OSBPL9: variants seen among roughly 807,000 people sequenced by gnomAD.
OSBPL9 encodes the protein oxysterol binding protein like 9.
In OSBPL9, 40 loss-of-function variants were observed where a neutral mutation model predicts 106.6. The ratio of observed to expected loss-of-function variants is 0.38; its 90% CI spans 0.29 to 0.49. The LOEUF is 0.49. Ranked by LOEUF, OSBPL9 falls within the 20% of genes least tolerant of loss-of-function variation. The probability of loss-of-function intolerance (pLI) is 0.97; values close to 1 mark genes in which losing one functional copy is unlikely to be tolerated. For missense variants in OSBPL9, 609 were observed against 887.2 expected (o/e 0.69, Z 3.98); for synonymous variants, 269 against 295.4 (o/e 0.91, Z 0.92).
chr1:51,723,842 G>A (rs1662598252), intron 4 of OSBPL9, among the ~76,000 whole-genome samples: 1 of 152,208 alleles, frequency 6.6e-6, no homozygotes, highest in Non-Finnish European at 1.5e-5. Context: ...GTGGATGTAT[G>A]TTGTCATCTC....
In OSBPL9 at chr1:51,783,875, G is replaced by A. The variant is rs41293245; in HGVS notation, c.1514-40G>A. ...GTTATGTGATTTTGGAGAGGTGGCT[G>A]TAGGTATATATAATCTACTAATTGA... On this transcript the variant is annotated intron_variant, in intron 17 of 23. Transcript: ENST00000428468. The A allele has an allele frequency of 2.4e-3, 3,438 of 1,418,124 alleles. 3 individuals carry two copies. Among genetic ancestry groups the A allele is most frequent in the Non-Finnish European group, 3.1e-3 (3,110 of 1,004,368 alleles). The allele number at this position is 1,418,124 out of a possible 1,614,324, so 87.8% of individuals were successfully genotyped here. A position where few individuals can be genotyped will look rare whatever the true frequency, so the allele number is the denominator to read the frequency against.
intron 3 of OSBPL9, chr1:51,709,502 G>C (rs1659357217): frequency 6.6e-6 from 1 of 152,642 alleles, no homozygotes; most frequent in South Asian, 2.1e-4. Context: ...CCAACGTTGG[G>C]AAATTGGGCA....
chr1:51,738,920 A>AC (rs1441387099), intron 4 of OSBPL9, among the ~76,000 whole-genome samples: 8 of 151,984 alleles, frequency 5.3e-5, no homozygotes, highest in Non-Finnish European at 1.2e-4. Context: ...GAAGTAGAAC[A>AC]CCTACCACTG....
At chr1:51,700,010 C>T (rs1656894691) in intron 3 of OSBPL9, among the ~76,000 whole-genome samples, 1 of 152,140 alleles carries the variant, frequency 6.6e-6, no homozygotes, top group Non-Finnish European at 1.5e-5. Context: ...TATTTAACTC[C>T]GTTTTCCAAA....
chr1:51,604,623 G>A (rs1431726102), intron 2 of OSBPL9, among the ~76,000 whole-genome samples: 1 of 152,100 alleles, frequency 6.6e-6, no homozygotes, highest in Admixed American at 6.6e-5. Context: ...TAGCAAACTG[G>A]TTTTGAAGAC....
rs1450207772 is a variant in OSBPL9, at chr1:51,729,889, C to T, written c.319-15647C>T. 7.9e-7 allele frequency: 1 copy of T among 1,262,682 alleles called. No homozygotes were observed. The highest frequency in any genetic ancestry group is 3.9e-5 in the South Asian group (1 of 25,724). The allele number at this position is 1,262,682 out of a possible 1,614,324, so 78.2% of individuals were successfully genotyped here. A position where few individuals can be genotyped will look rare whatever the true frequency, so the allele number is the denominator to read the frequency against. ...ACCGCCTGCACCGCAGTCCGGGGAT[C>T]GGGTCGAGGGGAGAAGAAAAAGGGG... is the stretch of plus-strand genomic sequence containing the variant. On this transcript the variant is annotated intron_variant, in intron 4 of 23. Transcript: ENST00000428468. This position sits in a 1 kb window ranked among gnomAD's most constrained non-coding sequence, Gnocchi z 5.1.
intron 4 of OSBPL9, among the ~76,000 whole-genome samples, chr1:51,720,820 C>G (rs1275649599): frequency 3.7e-5 from 4 of 108,578 alleles, no homozygotes; most frequent in Non-Finnish European, 7.0e-5. Context: ...TTTTTTGAGA[C>G]GGAGTCTCAT....
chr1:51,768,108 G>GT (rs1212240282), intron 12 of OSBPL9, among the ~76,000 whole-genome samples: 2 of 151,512 alleles, frequency 1.3e-5, no homozygotes, highest in Admixed American at 1.3e-4. Flanking sequence ...CGCCTGGCTA[G>GT]TTTTTTGTAT....
At chr1:51,701,651 G>GT (rs113520734) in intron 3 of OSBPL9, among the ~76,000 whole-genome samples, 123 of 146,616 alleles carry the variant, frequency 8.4e-4, no homozygotes, top group South Asian at 6.3e-3. Context: ...GGTTTTTTTT[G>GT]TTTTTTTTTT....
At chr1:51,620,587 GA>G (rs1644364555) in intron 1 of OSBPL9, among the ~76,000 whole-genome samples, 1 of 152,156 alleles carries the variant, frequency 6.6e-6, no homozygotes, top group Non-Finnish European at 1.5e-5. Flanking sequence ...AGCAGAGAGG[GA>G]AAAGTGCTTG....
intron 11 of OSBPL9, among the ~76,000 whole-genome samples, chr1:51,765,152 T>C (rs1184408980): frequency 6.6e-6 from 1 of 152,230 alleles, no homozygotes; most frequent in Non-Finnish European, 1.5e-5. Context: ...GGCTTCTTTG[T>C]CTGGGTCTTC....
chr1:51,633,646 G>T (rs1645245968), intron 1 of OSBPL9, among the ~76,000 whole-genome samples: 1 of 151,474 alleles, frequency 6.6e-6, no homozygotes, highest in Non-Finnish European at 1.5e-5. Context: ...TGAAAACAGG[G>T]TCTTGCACTC....
intron 3 of OSBPL9, among the ~76,000 whole-genome samples, chr1:51,706,286 A>G (rs1000385846): frequency 1.3e-5 from 2 of 152,196 alleles, no homozygotes; most frequent in African/African-American, 4.8e-5. Flanking sequence ...TTATAGCACT[A>G]TCTAGGTTTT....
chr1:51,626,187 G>T (rs552830066), intron 1 of OSBPL9, among the ~76,000 whole-genome samples: 122 of 152,270 alleles, frequency 8.0e-4, no homozygotes, highest in African/African-American at 2.6e-3. Context: ...GCTTACCAGA[G>T]ACAATAGTCC....
chr1:51,617,583 T>G (rs1357339934), intron 1 of OSBPL9, among the ~76,000 whole-genome samples: 1 of 152,114 alleles, frequency 6.6e-6, no homozygotes, highest in Non-Finnish European at 1.5e-5. Flanking sequence ...CTTCATATGT[T>G]GTCATGGACT....
intron 8 of OSBPL9, among the ~76,000 whole-genome samples, chr1:51,751,717 C>T (rs76910833): frequency 0.015 from 2,258 of 152,254 alleles, 25 homozygotes; most frequent in Non-Finnish European, 0.024. Flanking sequence ...GGAGCTGATA[C>T]AGTGTTTAAG....
intron 11 of OSBPL9, among the ~76,000 whole-genome samples, chr1:51,762,196 A>T (rs1671666891): frequency 6.6e-6 from 1 of 152,066 alleles, no homozygotes; most frequent in Non-Finnish European, 1.5e-5. Flanking sequence ...TAAAATTTTT[A>T]TTTTTGAGAC....
At chr1:51,603,094 G>A (rs1410780827) in intron 2 of OSBPL9, among the ~76,000 whole-genome samples, 2 of 152,286 alleles carry the variant, frequency 1.3e-5, no homozygotes, top group East Asian at 1.9e-4. Context: ...GGTTGAGGCT[G>A]CAGTGAGCCA....
rs1454798355 is a variant in OSBPL9 at position 51,789,130 on chromosome 1, A to G, written c.*1341A>G. On this transcript the variant is annotated 3_prime_UTR_variant, in exon 24 of 24. Transcript: ENST00000428468. ...AATCAAATGCTATGATGCCAGTGCA[A>G]AACTTCAATGGAAGCCCTAAGGCAG... 5.5e-6 allele frequency: 6 copies of G among 1,082,812 alleles called. No individual in the cohort carries two copies. Among genetic ancestry groups the G allele is most frequent in the Non-Finnish European group, 7.0e-6 (5 of 714,478 alleles). The allele number at this position is 1,082,812 out of a possible 1,614,324, so 67.1% of individuals were successfully genotyped here.
Sources: allele counts gnomAD v4.1 joint callset (sites outside exome capture counted in the v4.1 genomes callset), GRCh38; gene constraint gnomAD v4.1.1; non-coding constraint Gnocchi (gnomAD v3.1); transcripts MANE v1.5; gene names NCBI Gene and HGNC (gene_info 2026-07-23, HGNC 2026-07-21).